Variants in ABCB11 observed in about 807,000 individuals in gnomAD.
ABCB11 encodes the protein bile salt export pump.
A neutral mutation model predicts 148.0 loss-of-function variants in ABCB11; 95 were observed. That is an observed-to-expected ratio of 0.64 (90% CI 0.54 to 0.76). The LOEUF is 0.76. ABCB11 is among the 30% of genes least tolerant of loss of function. The probability of loss-of-function intolerance (pLI) is 0.00; values close to 1 mark genes in which losing one functional copy is unlikely to be tolerated. For synonymous variants in ABCB11, 591 were observed against 555.4 expected, an observed-to-expected ratio of 1.06 and a Z score of -0.90; for missense variants, 1,523 against 1,617.8, an observed-to-expected ratio of 0.94 and a Z score of 1.01.
intron 23 of ABCB11, among the ~76,000 whole-genome samples, chr2:168,933,949 C>T (rs943728124): frequency 6.6e-6 from 1 of 152,100 alleles, no homozygotes; most frequent in East Asian, 1.9e-4. Context: ...GATGAGGTTT[C>T]GCCATGTTGG....
rs577095623 is a variant in ABCB11 at position 168,942,413 on chromosome 2, A to G, written c.2610+2192T>C. Among the ~76,000 whole-genome samples the G allele has an allele frequency of 4.6e-5, 7 of 151,966 alleles. No homozygotes were observed. In the East Asian group the frequency reaches 1.4e-3, roughly 29 times the overall value. ...TAAAATAATTAACATCCAGAAATAG[A>G]TAAGAGAATTTCGAAGAGGAAAAAT... is the stretch of plus-strand genomic sequence containing the variant. On this transcript the variant is annotated intron_variant, in intron 21 of 27. Transcript: ENST00000650372.
chr2:168,927,037 T>C lies in ABCB11; in HGVS notation c.3618+119A>G, dbSNP rs530100579. The stretch of plus-strand genomic sequence containing the variant: ...ATGTTGGCATTCAAAAATTTTTGAA[T>C]TTTGGAACATTTTGGATTTGGGATT... On this transcript the variant is annotated intron_variant, in intron 26 of 27. Coordinates refer to ENST00000650372, the MANE Select transcript of ABCB11 (RefSeq NM_003742.4). 64 of 1,054,292 alleles carry C rather than the reference T, an allele frequency of 6.1e-5. No individual in the cohort carries two copies. In the East Asian group the frequency reaches 1.5e-3, roughly 25 times the overall value. 65.3% of individuals were successfully genotyped at this position (1,054,292 alleles called of 1,614,324 possible). A position where few individuals can be genotyped will look rare whatever the true frequency, so the allele number is the denominator to read the frequency against.
intron 14 of ABCB11, among the ~76,000 whole-genome samples, chr2:168,970,857 A>G (rs1414231020): frequency 6.6e-6 from 1 of 151,980 alleles, no homozygotes; most frequent in Non-Finnish European, 1.5e-5. Flanking sequence ...AAGTGCTGCT[A>G]TTTGCAACTG....
chr2:169,005,745 T>C (rs531883100), intron 5 of ABCB11, among the ~76,000 whole-genome samples: 1 of 152,284 alleles, frequency 6.6e-6, no homozygotes, highest in East Asian at 1.9e-4. Flanking sequence ...AGGTAGTAAA[T>C]ATGTTAATTA....
At chr2:169,001,589 G>A (rs1166263299) in intron 5 of ABCB11, among the ~76,000 whole-genome samples, 1 of 152,138 alleles carries the variant, frequency 6.6e-6, no homozygotes, top group African/African-American at 2.4e-5. Flanking sequence ...CCTAGCAAGT[G>A]TGGAAGAGTC....
chr2:168,989,919 A>G (rs1464758310), intron 9 of ABCB11, among the ~76,000 whole-genome samples: 1 of 152,076 alleles, frequency 6.6e-6, no homozygotes, highest in Non-Finnish European at 1.5e-5. Context: ...ATTTATTGAC[A>G]TGCCTATGTT....
intron 26 of ABCB11, among the ~76,000 whole-genome samples, chr2:168,925,488 G>T (rs556086997): frequency 6.6e-6 from 1 of 152,146 alleles, no homozygotes; most frequent in Non-Finnish European, 1.5e-5. Flanking sequence ...TTCTAGCTAG[G>T]GTATCATTTA....
At chr2:168,963,512 T>C (rs919594601) in intron 18 of ABCB11, among the ~76,000 whole-genome samples, 1 of 151,754 alleles carries the variant, frequency 6.6e-6, no homozygotes, top group Non-Finnish European at 1.5e-5. Context: ...TCTGTTTATG[T>C]GAAAATTAGA....
At position 168,935,373 on chromosome 2, in the gene ABCB11, T is replaced by C. The variant is rs1162654918; in HGVS notation, c.2867A>G (p.Glu956Gly). The C allele has an allele frequency of 1.2e-6, 2 of 1,613,918 alleles. No homozygotes were observed. The highest frequency in any genetic ancestry group is 2.7e-5 in the African/African-American group (2 of 74,944). Reference protein sequence around the residue: ...NIRTVAGIGKERRFIEALETE... With the variant: ...NIRTVAGIGKGRRFIEALETE... ...CTCAAGTGCTTCAATGAACCGCCTC[T>C]CCTTTCCAATTCCAGCAACAGTGCG... The change falls in exon 23 of 28, where the codon GAG becomes GGG. Residue 956 changes from glutamate to glycine, a missense_variant. Coordinates refer to ENST00000650372, the MANE Select transcript of ABCB11 (RefSeq NM_003742.4).
chr2:168,964,100 T>G, intron 18 of ABCB11, 106 bp downstream of exon 18: 1 of 753,638 alleles, frequency 1.3e-6, no homozygotes, highest in Middle Eastern at 2.9e-4. Flanking sequence ...CTTGAAACAC[T>G]GCTAGATATA....
intron 6 of ABCB11, among the ~76,000 whole-genome samples, chr2:168,996,398 G>A (rs972303456): frequency 6.6e-6 from 1 of 151,782 alleles, no homozygotes; most frequent in Non-Finnish European, 1.5e-5. Context: ...GGAAAGGCAG[G>A]GGGAGGACAG....
At chr2:169,015,410 C>G (rs138777077) in intron 3 of ABCB11, among the ~76,000 whole-genome samples, 3 of 152,140 alleles carry the variant, frequency 2.0e-5, no homozygotes, top group African/African-American at 7.2e-5. Flanking sequence ...AGACTCCCCA[C>G]GGTCTGGCCC....
intron 6 of ABCB11, among the ~76,000 whole-genome samples, 186 bp from the exon 7 acceptor site, chr2:168,995,668 C>A (rs1314518441): frequency 1.3e-5 from 2 of 151,852 alleles, no homozygotes; most frequent in African/African-American, 4.8e-5. Flanking sequence ...GTAAACAGAA[C>A]CTTCAGCAGG....
chr2:168,926,452 G>A (rs569530849), intron 26 of ABCB11, among the ~76,000 whole-genome samples: 1 of 152,208 alleles, frequency 6.6e-6, no homozygotes, highest in African/African-American at 2.4e-5. Context: ...TCTCAGAAAG[G>A]ATAATTGTCC....
At chr2:168,951,173 C>T (rs1692551015) in intron 19 of ABCB11, among the ~76,000 whole-genome samples, 1 of 150,988 alleles carries the variant, frequency 6.6e-6, no homozygotes, top group African/African-American at 2.4e-5. Flanking sequence ...ATTTAGTCAG[C>T]CAAATAATAT....
At chr2:168,964,783 GA>G (rs1255395478) in intron 17 of ABCB11, among the ~76,000 whole-genome samples, 4 of 151,822 alleles carry the variant, frequency 2.6e-5, no homozygotes, top group Non-Finnish European at 4.4e-5. Context: ...GGCCTCTGAT[GA>G]GATTTTCTCC....
chr2:168,979,971 G>A lies in ABCB11; in HGVS notation c.1092C>T (p.Leu364=), dbSNP rs373048820. ...GATTTAAAGCTCCTACTATGACACT[G>A]AGGAAAATCTGAAATGAAAAGAGAG... The part of the protein sequence containing the change: ...YTPGTLVQIF[L]SVIVGALNLG... The change falls in exon 11 of 28, where the codon CTC becomes CTT. Residue 364 remains leucine, a synonymous_variant. Coordinates refer to ENST00000650372, the MANE Select transcript of ABCB11 (RefSeq NM_003742.4). 6.9e-5 allele frequency: 111 copies of A among 1,597,344 alleles called. No individual in the cohort carries two copies. Among genetic ancestry groups the A allele is most frequent in the Non-Finnish European group, 8.7e-5 (102 of 1,166,082 alleles).
intron 5 of ABCB11, among the ~76,000 whole-genome samples, chr2:169,009,914 G>T (rs1394964271): frequency 2.0e-5 from 3 of 152,030 alleles, no homozygotes; most frequent in Non-Finnish European, 4.4e-5. Flanking sequence ...ACAAAATAGT[G>T]CTTGCTTATA....
chr2:168,997,382 C>T (rs1694750197), intron 5 of ABCB11, among the ~76,000 whole-genome samples: 1 of 151,990 alleles, frequency 6.6e-6, no homozygotes, highest in African/African-American at 2.4e-5. Flanking sequence ...GCCAAAGACA[C>T]TTGTGGGAAA....
Sources: gnomAD v4.1 joint callset for allele counts (sites outside exome capture counted in the v4.1 genomes callset) on GRCh38, gnomAD v4.1.1 for gene constraint, MANE v1.5 for transcripts, NCBI Gene and HGNC (gene_info 2026-07-23, HGNC 2026-07-21) for gene names.